The following NOXO1 variants were observed in gnomAD, a reference collection of about 807,000 sequenced individuals.
NOXO1 encodes NADPH oxidase regulatory protein.
A neutral mutation model predicts 33.3 loss-of-function variants in NOXO1; 38 were observed. The observed-to-expected ratio is 1.14, with a 90% CI of 0.88 to 1.50. NOXO1 has a LOEUF of 1.50. Among genes scored for constraint, NOXO1 ranks in the 40% most tolerant of loss-of-function variants. NOXO1 has a pLI of 0.00. For synonymous variants in NOXO1, 302 were observed against 237.3 expected (o/e 1.27, Z -2.51); for missense variants, 675 against 527.1 (o/e 1.28, Z -2.75).
At chr16:1,979,371 T>G in intron 7 of NOXO1, 22 bp from the exon 8 acceptor site, 1 of 1,587,648 alleles carries the variant, frequency 6.3e-7, no homozygotes, top group East Asian at 2.3e-5. Context: ...GGGGTGTGGT[T>G]AGGGCCCCGC....
Position 1,979,291 on chromosome 16 carries a change from C to G in NOXO1, c.877G>C (p.Ala293Pro), listed in dbSNP as rs761905522. The stretch of plus-strand genomic sequence containing the variant: ...CGGAACCCCGTCCCGCTCAGGAGAG[C>G]GCCCAGCCCTTCCGGCCGCAGCAGC... ...AVLLRPEGLG[A>P]LLSGTGFRGG... Residue 293 changes from alanine to proline, a missense_variant, in exon 8 of 8, where the codon GCT (alanine) becomes CCT (proline). By Grantham distance (27) the Ala-to-Pro change is conservative (BLOSUM62 -1). Coordinates refer to ENST00000356120, the MANE Select transcript of NOXO1 (RefSeq NM_172167.3). 1 of 1,560,744 alleles carries G rather than the reference C, an allele frequency of 6.4e-7. No individual in the cohort carries two copies.
intron 6 of NOXO1, 52 bp from the exon 7 acceptor site, chr16:1,979,594 C>G: frequency 6.8e-7 from 1 of 1,471,256 alleles, no homozygotes; most frequent in Non-Finnish European, 9.4e-7. Flanking sequence ...GGACGAGGCC[C>G]GCCCGCACCC....
In NOXO1 at chr16:1,980,153, G is replaced by T; in HGVS notation, c.430C>A (p.Gln144Lys). 3 of 1,604,696 alleles carry T rather than the reference G, an allele frequency of 1.9e-6. No individual in the cohort carries two copies. Among genetic ancestry groups the T allele is most frequent in the Non-Finnish European group, 2.5e-6 (3 of 1,178,038 alleles). The change falls in exon 5 of 8, where the codon CAG (glutamine) becomes AAG (lysine). Residue 144 changes from glutamine (Q) to lysine (K), a missense_variant. Transcript: ENST00000356120. ...CGGCCCGCAGCGCGAGAAAGAGGCT[G>T]CTCCTCTGGGGTGGGCAGGATCACC... ...SRVILPTPEE[Q>K]PLSRAAGRLS...
At position 1,980,037 on chromosome 16, in the gene NOXO1, C is replaced by G. The variant is rs757421720; in HGVS notation, c.546G>C (p.Gln182His). The G allele has an allele frequency of 6.2e-7, 1 of 1,606,784 alleles. No individual in the cohort carries two copies. The highest frequency in any genetic ancestry group is 8.5e-7 in the Non-Finnish European group (1 of 1,178,010). ...QDTRDRPFQA[Q>H]AQESLDVLLR... ...GCAGCACGTCCAGGCTCTCCTGGGC[C>G]TGCGCCTGAAAAGGCCTATCCCGCG... The change falls in exon 5 of 8, where the codon CAG becomes CAC. Residue 182 changes from glutamine to histidine, a missense_variant. Coordinates refer to ENST00000356120, the MANE Select transcript of NOXO1 (RefSeq NM_172167.3).
Position 1,981,371 on chromosome 16 carries a change from G to A in NOXO1, c.-192C>T, listed in dbSNP as rs2083506744. On this transcript the variant is annotated 5_prime_UTR_variant, in exon 1 of 8. Coordinates refer to ENST00000356120, the MANE Select transcript of NOXO1 (RefSeq NM_172167.3). ...CTTTCTTGCTGTCCCCCAAGCCCAC[G>A]ATCTGGGGGCAGGAGCACAGGGATT... 10 of 1,375,366 alleles carry A rather than the reference G, an allele frequency of 7.3e-6. No individual in the cohort carries two copies. Among genetic ancestry groups the A allele is most frequent in the African/African-American group, 1.5e-5 (1 of 68,716 alleles). 85.2% of individuals were successfully genotyped at this position (1,375,366 alleles called of 1,614,324 possible).
rs768158427 is a variant in NOXO1 at position 1,981,076 on chromosome 16, T to C, written c.66+38A>G. 7 of 1,611,126 alleles carry C rather than the reference T, an allele frequency of 4.3e-6. No homozygotes were observed. The African/African-American group carries it at 6.7e-5, about 15-fold the overall frequency. On this transcript the variant is annotated intron_variant, in intron 1 of 7. Coordinates refer to ENST00000356120, the MANE Select transcript of NOXO1 (RefSeq NM_172167.3). The stretch of plus-strand genomic sequence containing the variant: ...GGTGCTGGTCCAGGCACCCCCTTCC[T>C]ATCCCTTGGGGCCACTAAGGACCCA...
rs765533480 is a variant in NOXO1 at position 1,981,022 on chromosome 16, G to A, written c.67-3C>T. ...CAGCGCACAGAGAAGGCAAACGTCTGGGGGACAAAAAGTTGGGAGTGCCGT... is the reference window on the plus strand; with the variant it reads ...CAGCGCACAGAGAAGGCAAACGTCTAGGGGACAAAAAGTTGGGAGTGCCGT... On this transcript the variant is annotated splice_polypyrimidine_tract_variant and splice_region_variant and intron_variant, in intron 1 of 7. Transcript: ENST00000356120. The A allele has an allele frequency of 9.3e-6, 15 of 1,613,182 alleles. No individual in the cohort carries two copies. The highest frequency in any genetic ancestry group is 1.7e-6 in the Non-Finnish European group (2 of 1,179,920).
chr16:1,980,432 G>A lies in NOXO1; in HGVS notation c.336C>T (p.Ser112=). 1.2e-6 allele frequency: 2 copies of A among 1,602,386 alleles called. No homozygotes were observed. The highest frequency in any genetic ancestry group is 1.7e-6 in the Non-Finnish European group (2 of 1,179,848). ...GTGCGAAGAAGCCAGTGATCGTCGG[G>A]CTCCGTGCCACGCGCTCTGCAGTCG... ...LLATAERVAR[S]PTITGFFAPQ... Residue 112 remains serine (S), a synonymous_variant, in exon 4 of 8, where the codon AGC becomes AGT. Transcript: ENST00000356120.
At chr16:1,980,571 G>C (rs1471388584) in intron 3 of NOXO1, 27 bp from the exon 4 acceptor site, 3 of 1,598,290 alleles carry the variant, frequency 1.9e-6, no homozygotes, top group Non-Finnish European at 2.6e-6. Context: ...AACGTACTGT[G>C]ATACGCCGCT....
chr16:1,979,019 G>T lies in NOXO1; in HGVS notation c.*33C>A. 6.6e-7 allele frequency: 1 copy of T among 1,524,610 alleles called. No individual in the cohort carries two copies. Among genetic ancestry groups the T allele is most frequent in the Non-Finnish European group, 8.7e-7 (1 of 1,143,616 alleles). 94.4% of individuals were successfully genotyped at this position (1,524,610 alleles called of 1,614,324 possible). A position where few individuals can be genotyped will look rare whatever the true frequency, so the allele number is the denominator to read the frequency against. ...CCCGCTCCTCCCCAGCCCTGGGATGGCGCGGTCCATCCCCTCATCGGGATC... is the reference window on the plus strand; with the variant it reads ...CCCGCTCCTCCCCAGCCCTGGGATGTCGCGGTCCATCCCCTCATCGGGATC... On this transcript the variant is annotated 3_prime_UTR_variant, in exon 8 of 8. Coordinates refer to ENST00000356120, the MANE Select transcript of NOXO1 (RefSeq NM_172167.3).
Position 1,979,155 on chromosome 16 carries a change from C to A in NOXO1, c.1013G>T (p.Arg338Leu). 1 of 1,460,820 alleles carries A rather than the reference C, an allele frequency of 6.8e-7. No individual in the cohort carries two copies. Among genetic ancestry groups the A allele is most frequent in the South Asian group, 1.3e-5 (1 of 74,932 alleles). 90.5% of individuals were successfully genotyped at this position (1,460,820 alleles called of 1,614,324 possible). The change falls in exon 8 of 8, where the codon CGC (arginine) becomes CTC (leucine). Residue 338 changes from arginine to leucine, a missense_variant. Coordinates refer to ENST00000356120, the MANE Select transcript of NOXO1 (RefSeq NM_172167.3). Reference sequence around the variant, plus strand: ...GGCCCTGCGTGTGACGGTGCAGCAGCGGCTCTGGATGGCGCCCGGCGAAGG... The same window carrying A: ...GGCCCTGCGTGTGACGGTGCAGCAGAGGCTCTGGATGGCGCCCGGCGAAGG... ...TRPSPGAIQS[R>L]CCTVTRRALE...
intron 4 of NOXO1, 63 bp downstream of exon 4, chr16:1,980,304 A>C: frequency 1.9e-6 from 3 of 1,545,984 alleles, no homozygotes; most frequent in Non-Finnish European, 2.6e-6. Context: ...GTTCCCCCCC[A>C]CCCTGGACCT....
chr16:1,981,324 G>A lies in NOXO1; in HGVS notation c.-145C>T, dbSNP rs537276264. On this transcript the variant is annotated 5_prime_UTR_variant, in exon 1 of 8. Coordinates refer to ENST00000356120, the MANE Select transcript of NOXO1 (RefSeq NM_172167.3). ...AAGCCTGTGGGGTCCTTGTGGAGCCGCCCCAGCTGAGTCCTTTGCAGCTTT... is the reference window on the plus strand; with the variant it reads ...AAGCCTGTGGGGTCCTTGTGGAGCCACCCCAGCTGAGTCCTTTGCAGCTTT... 2.3e-4 allele frequency: 333 copies of A among 1,449,040 alleles called. No homozygotes were observed. Among genetic ancestry groups the A allele is most frequent in the Middle Eastern group, 2.0e-3 (8 of 3,926 alleles). The allele number at this position is 1,449,040 out of a possible 1,614,324, so 89.8% of individuals were successfully genotyped here.
chr16:1,979,523 G>A lies in NOXO1; in HGVS notation c.720C>T (p.Ser240=), dbSNP rs150628810. The change falls in exon 7 of 8, where the codon TCC becomes TCT. Residue 240 remains serine (S), a synonymous_variant. Transcript: ENST00000356120. ...CTGCGCGGCTGCTCTCGTAGGCGCG[G>A]GAAGCACAGAACTGGGGACCTGGTG... ...LGSSGPQFCA[S]RAYESSRADE... is the part of the protein sequence containing the mutation. 3.5e-5 allele frequency: 56 copies of A among 1,611,230 alleles called. No individual in the cohort carries two copies. The African/African-American group carries it at 6.9e-4, about 20-fold the overall frequency.
intron 3 of NOXO1, 28 bp downstream of exon 3, chr16:1,980,628 C>T (rs899663107): frequency 6.9e-6 from 11 of 1,597,624 alleles, no homozygotes; most frequent in East Asian, 4.5e-5. Context: ...CACCGCCTTC[C>T]CCGCTCCCGT....
chr16:1,980,026 C>T lies in NOXO1; in HGVS notation c.557G>A (p.Ser186Asn). Residue 186 changes from serine (S) to asparagine (N), a missense_variant, in exon 5 of 8, where the codon AGC becomes AAC. Transcript: ENST00000356120. ...DRPFQAQAQE[S>N]LDVLLRHPSG... ...GGGGTGCCGCAGCAGCACGTCCAGG[C>T]TCTCCTGGGCCTGCGCCTGAAAAGG... The T allele has an allele frequency of 6.2e-7, 1 of 1,606,268 alleles. No homozygotes were observed. Among genetic ancestry groups the T allele is most frequent in the Non-Finnish European group, 8.5e-7 (1 of 1,177,686 alleles).
Position 1,981,204 on chromosome 16 carries a change from T to C in NOXO1, c.-25A>G. On this transcript the variant is annotated 5_prime_UTR_variant, in exon 1 of 8. Coordinates refer to ENST00000356120, the MANE Select transcript of NOXO1 (RefSeq NM_172167.3). ...TGGCTGTGGCTTCCAGGCTGCAGAT[T>C]CCTGAAATGGGCGAGGACCCTTCTG... 1.2e-6 allele frequency: 2 copies of C among 1,613,314 alleles called. No homozygotes were observed. Among genetic ancestry groups the C allele is most frequent in the Non-Finnish European group, 1.7e-6 (2 of 1,179,974 alleles).
chr16:1,980,154 C>T lies in NOXO1; in HGVS notation c.429G>A (p.Glu143=). Residue 143 remains glutamate, a synonymous_variant, in exon 5 of 8, where the codon GAG becomes GAA. Transcript: ENST00000356120. ...GSRVILPTPE[E]QPLSRAAGRL... ...GGCCCGCAGCGCGAGAAAGAGGCTG[C>T]TCCTCTGGGGTGGGCAGGATCACCC... 6.2e-7 allele frequency: 1 copy of T among 1,604,698 alleles called. No individual in the cohort carries two copies. Among genetic ancestry groups the T allele is most frequent in the Non-Finnish European group, 8.5e-7 (1 of 1,178,062 alleles).
In NOXO1 at chr16:1,980,386, G is replaced by C. The variant is rs748564929; in HGVS notation, c.382C>G (p.Pro128Ala). Residue 128 changes from proline (P) to alanine (A), a missense_variant, in exon 4 of 8, where the codon CCC becomes GCC. By Grantham distance (27) the Pro-to-Ala change is conservative (BLOSUM62 -1). Coordinates refer to ENST00000356120, the MANE Select transcript of NOXO1 (RefSeq NM_172167.3). ...FFAPQPLDLE[P>A]ALPPGSRVIL... ...AGGCACCTGCCGGGTGGCAGCGCGG[G>C]CTCCAGGTCCAGGGGTTGCGGTGCG... 5 of 1,601,820 alleles carry C rather than the reference G, an allele frequency of 3.1e-6. No individual in the cohort carries two copies. Among genetic ancestry groups the C allele is most frequent in the Non-Finnish European group, 4.2e-6 (5 of 1,179,452 alleles).
Sources: allele counts gnomAD v4.1 joint callset, GRCh38; gene constraint gnomAD v4.1.1; transcripts MANE v1.5; gene names NCBI Gene and HGNC (gene_info 2026-07-23, HGNC 2026-07-21).